IFT74: variants seen among roughly 807,000 people sequenced by gnomAD.
The protein encoded by IFT74 is intraflagellar transport protein 74 homolog.
IFT74 carries 92 observed loss-of-function variants against 96.7 expected under a neutral mutation model. The ratio of observed to expected loss-of-function variants is 0.95; its 90% CI spans 0.80 to 1.13. The LOEUF is 1.13. IFT74 is among the 50% of genes most tolerant of loss of function. IFT74 has a pLI of 0.00. For synonymous variants in IFT74, 223 were observed against 213.2 expected, an observed-to-expected ratio of 1.05 and a Z score of -0.40; for missense variants, 811 against 698.2, an observed-to-expected ratio of 1.16 and a Z score of -1.82.
At chr9:26,999,320 C>CT (rs1828349306) in intron 8 of IFT74, among the ~76,000 whole-genome samples, 3 of 151,880 alleles carry the variant, frequency 2.0e-5, no homozygotes, top group South Asian at 4.1e-4. Flanking sequence ...TAAATATGTG[C>CT]TTTTTAAAAA....
Position 27,063,494 on chromosome 9 carries a change from G to A in IFT74, c.*758G>A, listed in dbSNP as rs1341582847. 6.6e-6 allele frequency among the ~76,000 whole-genome samples: 1 copy of A among 152,036 alleles called. No homozygotes were observed. The highest frequency in any genetic ancestry group is 1.5e-5 in the Non-Finnish European group (1 of 67,950). On this transcript the variant is annotated 3_prime_UTR_variant, in exon 20 of 20. Transcript: ENST00000380062. ...ATAAACATTAGCCAGAATATTTGGG[G>A]AAAAAAGCTAGAAGAGGTAGGATTG...
intron 12 of IFT74, among the ~76,000 whole-genome samples, chr9:27,021,275 AT>A (rs1829589288): frequency 6.6e-6 from 1 of 152,044 alleles, no homozygotes; most frequent in Non-Finnish European, 1.5e-5. Context: ...CCAGTTGCAA[AT>A]TGTACTGCTG....
At chr9:27,010,124 A>G (rs1828984445) in intron 9 of IFT74, among the ~76,000 whole-genome samples, 1 of 151,836 alleles carries the variant, frequency 6.6e-6, no homozygotes, top group African/African-American at 2.4e-5. Context: ...AGTAGTTGGC[A>G]CTACAGGCGC....
intron 2 of IFT74, among the ~76,000 whole-genome samples, chr9:26,971,307 T>G (rs1189672561): frequency 6.6e-6 from 1 of 152,128 alleles, no homozygotes; most frequent in African/African-American, 2.4e-5. Flanking sequence ...TTAGTTTTTT[T>G]TATATATTAA....
intron 18 of IFT74, among the ~76,000 whole-genome samples, chr9:27,058,841 A>T (rs147365934): frequency 6.6e-6 from 1 of 152,224 alleles, no homozygotes; most frequent in African/African-American, 2.4e-5. Context: ...ACATAATTCA[A>T]ATTTACCAGT....
chr9:27,015,130 A>G (rs1829281015), intron 10 of IFT74, among the ~76,000 whole-genome samples: 1 of 152,252 alleles, frequency 6.6e-6, no homozygotes, highest in Non-Finnish European at 1.5e-5. Context: ...ACAAATCTAT[A>G]GGATTGTTAG....
At chr9:26,989,224 G>A (rs1343975823) in intron 7 of IFT74, among the ~76,000 whole-genome samples, 1 of 152,106 alleles carries the variant, frequency 6.6e-6, no homozygotes, top group Non-Finnish European at 1.5e-5. Flanking sequence ...GGGGATGGTA[G>A]GAGGGCAATA....
At chr9:27,014,376 CT>C (rs1033429433) in intron 10 of IFT74, among the ~76,000 whole-genome samples, 8 of 152,068 alleles carry the variant, frequency 5.3e-5, no homozygotes, top group Non-Finnish European at 7.4e-5. Flanking sequence ...CCTCATGGTT[CT>C]TTTTTGGAGT....
At chr9:27,058,387 C>T (rs1820268553) in intron 18 of IFT74, among the ~76,000 whole-genome samples, 1 of 151,964 alleles carries the variant, frequency 6.6e-6, no homozygotes, top group South Asian at 2.1e-4. Context: ...CTGTGCTTAG[C>T]CTTTTTTTTC....
At chr9:27,022,106 G>GT (rs1025286993) in intron 12 of IFT74, among the ~76,000 whole-genome samples, 11 of 151,764 alleles carry the variant, frequency 7.2e-5, no homozygotes, top group Admixed American at 2.6e-4. Flanking sequence ...CCCACCTTAT[G>GT]TTTTTTTTGC....
rs1820566453 is a variant in IFT74, at chr9:27,065,013, T to G, written c.*2277T>G. 6.6e-6 allele frequency among the ~76,000 whole-genome samples: 1 copy of G among 152,126 alleles called. No individual in the cohort carries two copies. The highest frequency in any genetic ancestry group is 1.5e-5 in the Non-Finnish European group (1 of 67,988). ...AAAGGATGTAGTAAAAACTCTTAAG[T>G]CCTTGACTCTAGAACTGAACCAATC... is the stretch of plus-strand genomic sequence containing the variant. On this transcript the variant is annotated 3_prime_UTR_variant, in exon 20 of 20. Coordinates refer to ENST00000380062, the MANE Select transcript of IFT74 (RefSeq NM_025103.4).
At chr9:27,053,151 C>G (rs917914903) in intron 16 of IFT74, among the ~76,000 whole-genome samples, 1 of 147,780 alleles carries the variant, frequency 6.8e-6, no homozygotes, top group Non-Finnish European at 1.5e-5. Flanking sequence ...GCGTGAGCAC[C>G]GCGCCTGGCC....
At chr9:27,003,209 T>G (rs1465536322) in intron 8 of IFT74, among the ~76,000 whole-genome samples, 1 of 152,124 alleles carries the variant, frequency 6.6e-6, no homozygotes, top group Admixed American at 6.5e-5. Context: ...GGGTTTGTTT[T>G]TTTTTTAATT....
chr9:27,021,095 C>T (rs1213398069), intron 12 of IFT74, among the ~76,000 whole-genome samples: 1 of 151,982 alleles, frequency 6.6e-6, no homozygotes, highest in Non-Finnish European at 1.5e-5. Flanking sequence ...CTGTGAATGC[C>T]ATTATTTTGT....
intron 1 of IFT74, among the ~76,000 whole-genome samples, chr9:26,961,278 G>A (rs1466294480): frequency 1.3e-5 from 2 of 151,914 alleles, no homozygotes; most frequent in Non-Finnish European, 2.9e-5. Context: ...TTTTAGTAGA[G>A]ACGGGGTTTC....
intron 13 of IFT74, among the ~76,000 whole-genome samples, chr9:27,040,064 A>T (rs572774151): frequency 6.6e-6 from 1 of 152,214 alleles, no homozygotes; most frequent in East Asian, 1.9e-4. Context: ...ATATGAATTA[A>T]TGTGATACAG....
rs746347469 is a variant in IFT74 at position 27,047,364 on chromosome 9, G to A, written c.1199G>A (p.Cys400Tyr). ...AACATTGTTGCACTCTTGGAGCACT[G>A]CAGTCGAGTGAGTACCATGTGCCTG... ...EANIVALLEH[C>Y]SRNINRIEQI... The change falls in exon 15 of 20, where the codon TGC becomes TAC. Residue 400 changes from cysteine (C) to tyrosine (Y), a missense_variant. By Grantham distance (194) the Cys-to-Tyr change is radical. Coordinates refer to ENST00000380062, the MANE Select transcript of IFT74 (RefSeq NM_025103.4). 17 of 1,601,246 alleles carry A rather than the reference G, an allele frequency of 1.1e-5. No individual in the cohort carries two copies. The highest frequency in any genetic ancestry group is 1.5e-5 in the Non-Finnish European group (17 of 1,169,092).
chr9:27,002,960 C>G (rs1388113847), intron 8 of IFT74, among the ~76,000 whole-genome samples: 1 of 151,954 alleles, frequency 6.6e-6, no homozygotes, highest in Admixed American at 6.6e-5. Flanking sequence ...TCTTCAGTTT[C>G]TTTCATCAGT....
intron 2 of IFT74, chr9:26,976,675 AAG>A: frequency 2.3e-6 from 1 of 441,256 alleles, no homozygotes; most frequent in South Asian, 1.6e-5. Context: ...AAGAAGAAAA[AAG>A]GAGAAGAAAG....
Sources: gnomAD v4.1 joint callset for allele counts (sites outside exome capture counted in the v4.1 genomes callset) on GRCh38, gnomAD v4.1.1 for gene constraint, MANE v1.5 for transcripts, NCBI Gene and HGNC (gene_info 2026-07-23, HGNC 2026-07-21) for gene names.